Variants in WASHC4 observed in about 807,000 individuals in gnomAD.
WASHC4 encodes the protein WASH complex subunit 4, also known as WASH complex subunit 7.
WASHC4 carries 86 observed loss-of-function variants against 166.6 expected under a neutral mutation model. That is an observed-to-expected ratio of 0.52 (90% CI 0.43 to 0.62). The LOEUF (loss-of-function observed/expected upper bound fraction) is 0.62, where lower values mean the gene tolerates loss of function less well. WASHC4 is among the 20% of genes least tolerant of loss of function. The pLI, the probability that WASHC4 is intolerant of heterozygous loss-of-function variation, is 0.00. For missense variants in WASHC4, 1,262 were observed against 1,382.4 expected (o/e 0.91, Z 1.38); for synonymous variants, 446 against 451.6 (o/e 0.99, Z 0.16).
chr12:105,121,700 G>A (rs1046580874), intron 9 of WASHC4, among the ~76,000 whole-genome samples: 3 of 152,060 alleles, frequency 2.0e-5, no homozygotes, highest in African/African-American at 7.2e-5. Flanking sequence ...TAGAGACGGC[G>A]TTTCACCATG....
At chr12:105,108,659 A>C (rs1378751637) in intron 1 of WASHC4, among the ~76,000 whole-genome samples, 1 of 152,190 alleles carries the variant, frequency 6.6e-6, no homozygotes, top group Non-Finnish European at 1.5e-5. Flanking sequence ...AATAAATACA[A>C]GTTGGCAATC....
intron 13 of WASHC4, among the ~76,000 whole-genome samples, chr12:105,133,028 G>T (rs1217648233): frequency 2.6e-5 from 4 of 151,912 alleles, no homozygotes; most frequent in Non-Finnish European, 5.9e-5. Context: ...CAACTCATCA[G>T]ATCCTCTTGA....
chr12:105,109,371 A>T (rs916181032), intron 1 of WASHC4, among the ~76,000 whole-genome samples: 1 of 152,246 alleles, frequency 6.6e-6, no homozygotes, highest in African/African-American at 2.4e-5. Context: ...TTCTACAACC[A>T]GTGGCTGTGC....
At chr12:105,142,731 C>G (rs568148501) in intron 19 of WASHC4, among the ~76,000 whole-genome samples, 173 bp downstream of exon 19, 1 of 151,926 alleles carries the variant, frequency 6.6e-6, no homozygotes. Context: ...TTACTGTTAA[C>G]GAAGTTAATT....
chr12:105,116,023 A>T (rs1880145021), intron 6 of WASHC4, among the ~76,000 whole-genome samples: 1 of 152,176 alleles, frequency 6.6e-6, no homozygotes, highest in Non-Finnish European at 1.5e-5. Flanking sequence ...GATAAATTGT[A>T]TCAGGAAAAG....
intron 13 of WASHC4, among the ~76,000 whole-genome samples, chr12:105,131,886 C>T (rs929035039): frequency 6.6e-6 from 1 of 152,168 alleles, no homozygotes; most frequent in Non-Finnish European, 1.5e-5. Flanking sequence ...GTTTCACCTC[C>T]CTGAGTCACA....
At chr12:105,157,774 C>T (rs935327754) in intron 28 of WASHC4, among the ~76,000 whole-genome samples, 3 of 151,986 alleles carry the variant, frequency 2.0e-5, no homozygotes, top group African/African-American at 4.8e-5. Flanking sequence ...CATATATGGC[C>T]GGTAAACACT....
At chr12:105,123,263 AG>A (rs1450164510) in intron 10 of WASHC4, among the ~76,000 whole-genome samples, 1 of 152,172 alleles carries the variant, frequency 6.6e-6, no homozygotes, top group Admixed American at 6.5e-5. Context: ...GCAGTGAGTC[AG>A]GATCACGCCA....
At chr12:105,141,501 CTT>C (rs1657098431) in intron 18 of WASHC4, among the ~76,000 whole-genome samples, 1 of 152,182 alleles carries the variant, frequency 6.6e-6, no homozygotes, top group African/African-American at 2.4e-5. Flanking sequence ...ATCTGGCCGA[CTT>C]TGATGCATAT....
intron 6 of WASHC4, among the ~76,000 whole-genome samples, chr12:105,117,249 C>T (rs895062196): frequency 3.3e-5 from 5 of 152,252 alleles, no homozygotes; most frequent in East Asian, 1.9e-4. Context: ...GCCCTGGCTC[C>T]GTTTTAGTTA....
chr12:105,125,759 T>G (rs115806480), intron 10 of WASHC4, among the ~76,000 whole-genome samples: 336 of 152,214 alleles, frequency 2.2e-3, no homozygotes, highest in African/African-American at 7.7e-3. Context: ...TTATACAGGA[T>G]TATAGATTTG....
chr12:105,114,131 G>A (rs936727316), intron 2 of WASHC4, 85 bp from the exon 3 acceptor site: 51 of 1,235,126 alleles, frequency 4.1e-5, no homozygotes, highest in Non-Finnish European at 5.4e-5. Flanking sequence ...AGTTTAAGTC[G>A]AATAAAGCTA....
rs1256552665 is a variant in WASHC4 at position 105,120,564 on chromosome 12, C to G, written c.528C>G (p.Pro176=). 1 of 1,600,688 alleles carries G rather than the reference C, an allele frequency of 6.2e-7. No homozygotes were observed. The highest frequency in any genetic ancestry group is 1.1e-5 in the South Asian group (1 of 90,740). ...AALYISNKIA[P]KIIETTGVHF... ...TGTTATTTTATTATAGGATTGCACC[C>G]AAAATTATAGAGACAACTGGAGTTC... is the stretch of plus-strand genomic sequence containing the variant. The change falls in exon 8 of 33, where the codon CCC becomes CCG. Residue 176 remains proline, a synonymous_variant. Transcript: ENST00000332180.
intron 32 of WASHC4, 87 bp downstream of exon 32, chr12:105,164,827 G>GC (rs1250248984): frequency 3.2e-5 from 28 of 881,828 alleles, no homozygotes; most frequent in Non-Finnish European, 4.0e-5. Context: ...CAGACATCTA[G>GC]CTTCTTTGTC....
intron 24 of WASHC4, chr12:105,148,153 A>C (rs2464173): frequency 1.0e-5 from 10 of 985,110 alleles, no homozygotes; most frequent in Non-Finnish European, 1.2e-5. Flanking sequence ...TATACAGTGG[A>C]AAAGCATTGA....
intron 30 of WASHC4, among the ~76,000 whole-genome samples, chr12:105,163,221 G>A (rs56284118): frequency 0.13 from 19,791 of 152,170 alleles, 1,480 homozygotes; most frequent in African/African-American, 0.21. Context: ...GCCTCCCAAA[G>A]TGCTGGGATT....
intron 14 of WASHC4, among the ~76,000 whole-genome samples, chr12:105,137,404 CAAAA>C (rs1882422230): frequency 6.6e-6 from 1 of 152,112 alleles, no homozygotes; most frequent in Non-Finnish European, 1.5e-5. Flanking sequence ...GCTTGGAACT[CAAAA>C]ATTTCTTTGC....
chr12:105,131,170 T>G (rs1475549890), intron 13 of WASHC4, among the ~76,000 whole-genome samples: 1 of 150,768 alleles, frequency 6.6e-6, no homozygotes, highest in Non-Finnish European at 1.5e-5. Context: ...CACTGCAAGC[T>G]CCGCTTCCCG....
At chr12:105,118,975 A>G (rs976777253) in intron 7 of WASHC4, among the ~76,000 whole-genome samples, 1 of 152,240 alleles carries the variant, frequency 6.6e-6, no homozygotes, top group South Asian at 2.1e-4. Flanking sequence ...CCAGTAAAAT[A>G]TACCTTAAAT....
Sources: gnomAD v4.1 joint callset for allele counts (sites outside exome capture counted in the v4.1 genomes callset) on GRCh38, gnomAD v4.1.1 for gene constraint, MANE v1.5 for transcripts, NCBI Gene and HGNC (gene_info 2026-07-23, HGNC 2026-07-21) for gene names.